CECR2: variants seen among roughly 807,000 people sequenced by gnomAD.
CECR2 encodes CECR2 histone acetyl-lysine reader.
In CECR2, 30 loss-of-function variants were observed where a neutral mutation model predicts 154.5. That is an observed-to-expected ratio of 0.19 (90% CI 0.15 to 0.26). The LOEUF (loss-of-function observed/expected upper bound fraction) is 0.26, where lower values mean the gene tolerates loss of function less well. CECR2 is among the 10% of genes least tolerant of loss of function. CECR2 has a pLI of 1.00. For missense variants in CECR2, 1,743 were observed against 1,829.3 expected (o/e 0.95, Z 0.86); for synonymous variants, 725 against 683.7 (o/e 1.06, Z -0.94).
chr22:17,478,572 G>A (rs973924487), intron 2 of CECR2, among the ~76,000 whole-genome samples: 1 of 152,012 alleles, frequency 6.6e-6, no homozygotes, highest in African/African-American at 2.4e-5. Context: ...AGCCAGGATG[G>A]TCTCGATCTC....
intron 16 of CECR2, among the ~76,000 whole-genome samples, chr22:17,547,166 T>C (rs2147051894): frequency 6.6e-6 from 1 of 152,052 alleles, no homozygotes; most frequent in South Asian, 2.1e-4. Context: ...ATTCTGAGAA[T>C]GTAAACAAGC....
intron 1 of CECR2, among the ~76,000 whole-genome samples, chr22:17,444,274 C>G (rs1569086010): frequency 6.6e-6 from 1 of 152,204 alleles, no homozygotes; most frequent in Admixed American, 6.5e-5. Context: ...GCATCTGAAG[C>G]ACCAGGTGAC....
intron 8 of CECR2, among the ~76,000 whole-genome samples, chr22:17,513,520 T>A (rs1157051556): frequency 6.6e-6 from 1 of 152,240 alleles, no homozygotes; most frequent in Admixed American, 6.5e-5. Context: ...TTGTATTTAC[T>A]TCAGTATATT....
chr22:17,434,360 A>G lies in CECR2; in HGVS notation c.127-43228A>G, dbSNP rs546940994. Among the ~76,000 whole-genome samples, 281 of 152,234 alleles carry G rather than the reference A, an allele frequency of 1.8e-3. 3 individuals carry two copies. Among genetic ancestry groups the G allele is most frequent in the South Asian group, 9.1e-3 (44 of 4,814 alleles). ...TGTAGTGGAATTTAGTTGTTTTCCA[A>G]ACTTGAGTGTTTGAGAACCTTGGAT... is the stretch of plus-strand genomic sequence containing the variant. On this transcript the variant is annotated intron_variant, in intron 1 of 18. Transcript: ENST00000262608.
chr22:17,486,485 C>G (rs532676289), intron 2 of CECR2, among the ~76,000 whole-genome samples: 1 of 152,212 alleles, frequency 6.6e-6, no homozygotes, highest in Non-Finnish European at 1.5e-5. Context: ...CTAGTGTTCA[C>G]TGTCACACTC....
In CECR2 at chr22:17,495,849, A is replaced by T. The variant is rs1314071716; in HGVS notation, c.222-1554A>T. On this transcript the variant is annotated intron_variant, in intron 2 of 18. Transcript: ENST00000262608. ...TGCACTCCAGCCTGGGTGACAGAGC[A>T]AGACTCTGTCTCAAAAAAAAAAAAA... Among the ~76,000 whole-genome samples the T allele has an allele frequency of 3.0e-5, 4 of 134,018 alleles. No individual in the cohort carries two copies. In the East Asian group the frequency reaches 8.7e-4, roughly 29 times the overall value. The allele number at this position is 134,018 out of a possible 152,430, so 87.9% of individuals were successfully genotyped here.
intron 13 of CECR2, among the ~76,000 whole-genome samples, chr22:17,539,549 T>C (rs1418752884): frequency 6.6e-6 from 1 of 152,090 alleles, no homozygotes; most frequent in Non-Finnish European, 1.5e-5. Context: ...CATTAGGAGA[T>C]ACATATACCT....
chr22:17,476,699 A>C (rs1460059160), intron 1 of CECR2, among the ~76,000 whole-genome samples: 2 of 152,202 alleles, frequency 1.3e-5, no homozygotes, highest in African/African-American at 4.8e-5. Flanking sequence ...AGCAAGTCAA[A>C]CCATAGGGAG....
chr22:17,540,750 C>A lies in CECR2; in HGVS notation c.1834C>A (p.Pro612Thr), dbSNP rs1485404259. 3.1e-6 allele frequency: 5 copies of A among 1,607,798 alleles called. No individual in the cohort carries two copies. The highest frequency in any genetic ancestry group is 3.4e-5 in the Admixed American group (2 of 59,098). ...GTSNGRGFSH[P>T]LHCGGTPSQA... ...TTCCAATGGCCGAGGTTTTTCTCAT[C>A]CCCTGCATTGTGGTGGGACACCCAG... The change falls in exon 14 of 19, where the codon CCC becomes ACC. Residue 612 changes from proline (P) to threonine (T), a missense_variant. Physicochemically the swap from Pro to Thr is conservative, Grantham distance 38 (BLOSUM62 -1). This residue lies in a region of CECR2 where 1,250 missense variants were observed against 1,192.1 expected (regional missense o/e 1.05). Coordinates refer to ENST00000262608, the MANE Select transcript of CECR2 (RefSeq NM_001290047.2).
chr22:17,458,942 AAAT>A (rs1475598564), intron 1 of CECR2, among the ~76,000 whole-genome samples: 6 of 152,332 alleles, frequency 3.9e-5, no homozygotes, highest in Non-Finnish European at 7.4e-5. Context: ...TAGCACATTT[AAAT>A]AATAGTGACC....
At chr22:17,494,592 C>A (rs1177284510) in intron 2 of CECR2, among the ~76,000 whole-genome samples, 1 of 152,154 alleles carries the variant, frequency 6.6e-6, no homozygotes, top group African/African-American at 2.4e-5. Context: ...AGAACTGTTA[C>A]GCTGCATTTT....
At chr22:17,402,754 C>CTTTT in intron 1 of CECR2, among the ~76,000 whole-genome samples, 1 of 123,104 alleles carries the variant, frequency 8.1e-6, no homozygotes, top group Non-Finnish European at 1.7e-5. Context: ...TTCTTTTCTT[C>CTTTT]TTTTTTTTTT....
At chr22:17,382,036 T>C (rs5992037) in intron 1 of CECR2, among the ~76,000 whole-genome samples, 91,636 of 150,628 alleles carry the variant, frequency 0.61, 28,314 homozygotes, top group Middle Eastern at 0.67. Flanking sequence ...TACAGGCGCC[T>C]GCCACCACGC....
upstream of CECR2, among the ~76,000 whole-genome samples, chr22:17,368,663 C>T (rs1276066501): frequency 1.3e-5 from 2 of 152,162 alleles, no homozygotes; most frequent in South Asian, 2.1e-4. Flanking sequence ...CTCCTCTGCC[C>T]CATCCCCCCG....
At chr22:17,395,904 T>C (rs978104102) in intron 1 of CECR2, among the ~76,000 whole-genome samples, 3 of 152,112 alleles carry the variant, frequency 2.0e-5, no homozygotes, top group African/African-American at 7.2e-5. Context: ...ATATTCTTTC[T>C]CATTCCTGGG....
At chr22:17,513,346 C>G (rs181864032) in intron 8 of CECR2, among the ~76,000 whole-genome samples, 6 of 152,232 alleles carry the variant, frequency 3.9e-5, no homozygotes, top group Admixed American at 1.3e-4. Flanking sequence ...TACTCTGGAC[C>G]ATGTCTTTGA....
intron 1 of CECR2, among the ~76,000 whole-genome samples, chr22:17,429,451 C>T (rs781683149): frequency 4.0e-5 from 6 of 150,988 alleles, no homozygotes; most frequent in Non-Finnish European, 7.4e-5. Context: ...CCTGTAATCC[C>T]AGCACTTTGG....
intron 1 of CECR2, among the ~76,000 whole-genome samples, chr22:17,380,033 T>G (rs1466659096): frequency 5.9e-5 from 9 of 151,830 alleles, no homozygotes; most frequent in Non-Finnish European, 1.3e-4. Flanking sequence ...TTTATCTCTT[T>G]GGCTGGGAAC....
Position 17,548,656 on chromosome 22 carries a change from C to T in CECR2, c.3369C>T (p.Gly1123=). 6.2e-7 allele frequency: 1 copy of T among 1,613,094 alleles called. No homozygotes were observed. The highest frequency in any genetic ancestry group is 8.5e-7 in the Non-Finnish European group (1 of 1,179,576). The change falls in exon 17 of 19, where the codon GGC becomes GGT. Residue 1123 remains glycine, a synonymous_variant. Coordinates refer to ENST00000262608, the MANE Select transcript of CECR2 (RefSeq NM_001290047.2). ...AGTTTCCCCCGCTGTATATGCCTGG[C>T]CTAGAGTACCCGAATTCAGCTGCCC... ...VSQFPPLYMP[G]LEYPNSAAHY...
Sources: gnomAD v4.1 joint callset for allele counts (sites outside exome capture counted in the v4.1 genomes callset) on GRCh38, gnomAD v4.1.1 for gene constraint, gnomAD v4.1.1 regional missense constraint, MANE v1.5 for transcripts, NCBI Gene and HGNC (gene_info 2026-07-23, HGNC 2026-07-21) for gene names.